The following MGAM2 variants were observed in gnomAD, a reference collection of about 807,000 sequenced individuals.
MGAM2 encodes the protein probable maltase-glucoamylase 2.
A neutral mutation model predicts 96.1 loss-of-function variants in MGAM2; 98 were observed. The observed-to-expected ratio is 1.02, with a 90% CI of 0.87 to 1.21. MGAM2 has a LOEUF of 1.21. Among genes scored for constraint, MGAM2 ranks in the 50% most tolerant of loss-of-function variants. The pLI, the probability that MGAM2 is intolerant of heterozygous loss-of-function variation, is 0.00. For synonymous variants in MGAM2, 749 were observed against 414.8 expected, an observed-to-expected ratio of 1.81 and a Z score of -9.79; for missense variants, 2,055 against 1,182.4, an observed-to-expected ratio of 1.74 and a Z score of -10.82.
intron 37 of MGAM2, among the ~76,000 whole-genome samples, chr7:142,192,558 G>A (rs993516024): frequency 2.0e-5 from 3 of 152,184 alleles, no homozygotes; most frequent in Non-Finnish European, 2.9e-5. Flanking sequence ...ATGTTTGAAT[G>A]TTGGTTAAAA....
chr7:142,176,160 C>T (rs1430836705), intron 32 of MGAM2, among the ~76,000 whole-genome samples: 1 of 150,844 alleles, frequency 6.6e-6, no homozygotes, highest in Non-Finnish European at 1.5e-5. Context: ...ATAGCTGTAT[C>T]TTAATCTCAT....
At chr7:142,211,275 G>A (rs1177365056) in intron 46 of MGAM2, among the ~76,000 whole-genome samples, 10 of 152,134 alleles carry the variant, frequency 6.6e-5, no homozygotes, top group Non-Finnish European at 1.3e-4. Context: ...AAACCAGAAT[G>A]CCCCTTCTCC....
At chr7:142,173,205 G>A (rs1171314853) in intron 30 of MGAM2, 24 bp from the exon 31 acceptor site, 1 of 702,314 alleles carries the variant, frequency 1.4e-6, no homozygotes, top group Non-Finnish European at 2.6e-6. Context: ...AATCTTTCTG[G>A]ATGCATTTTT....
intron 36 of MGAM2, among the ~76,000 whole-genome samples, chr7:142,188,429 TAGTG>T (rs1178828086): frequency 1.3e-5 from 2 of 151,652 alleles, no homozygotes; most frequent in African/African-American, 4.9e-5. Flanking sequence ...CTGGGCAACA[TAGTG>T]AGACCCATAA....
At chr7:142,161,012 T>C in intron 21 of MGAM2, 113 bp from the exon 22 acceptor site, 1 of 582,972 alleles carries the variant, frequency 1.7e-6, no homozygotes, top group Non-Finnish European at 3.1e-6. Flanking sequence ...CAACATCTAC[T>C]CAGTTTCTGG....
intron 7 of MGAM2, among the ~76,000 whole-genome samples, chr7:142,135,548 T>A (rs1239413920): frequency 6.6e-6 from 1 of 152,182 alleles, no homozygotes; most frequent in Non-Finnish European, 1.5e-5. Context: ...GGCTTATTGA[T>A]CTTCTCAATT....
intron 45 of MGAM2, among the ~76,000 whole-genome samples, chr7:142,203,441 C>T (rs979792907): frequency 2.0e-5 from 3 of 152,100 alleles, no homozygotes; most frequent in Admixed American, 1.3e-4. Flanking sequence ...TGTACAGATT[C>T]GACACTATTC....
rs1795876615 is a variant in MGAM2 at position 142,161,141 on chromosome 7, G to C, written c.2362G>C (p.Gly788Arg). 1.4e-6 allele frequency: 1 copy of C among 702,520 alleles called. No individual in the cohort carries two copies. Among genetic ancestry groups the C allele is most frequent in the Non-Finnish European group, 2.6e-6 (1 of 384,772 alleles). The allele number at this position is 702,520 out of a possible 1,614,324, so 43.5% of individuals were successfully genotyped here. The change falls in exon 22 of 48, where the codon GGA (glycine) becomes CGA (arginine). Residue 788 changes from glycine to arginine, a missense_variant. By Grantham distance (125) the Gly-to-Arg change is moderately radical. Transcript: ENST00000477922. ...CTTTTACAGCCGGAGGAATTCCCTG[G>C]GACTCATCATCGCCTTGGACTATAA... Reference protein sequence around the residue: ...TTEASRRNSLGLIIALDYKRE... With the variant: ...TTEASRRNSLRLIIALDYKRE...
chr7:142,185,330 G>A, intron 34 of MGAM2, among the ~76,000 whole-genome samples, 191 bp downstream of exon 34: 1 of 152,190 alleles, frequency 6.6e-6, no homozygotes, highest in Non-Finnish European at 1.5e-5. Context: ...ATGGAAATGT[G>A]TAGAAGGAAA....
At position 142,160,185 on chromosome 7, in the gene MGAM2, G is replaced by A. The variant is rs1229345883; in HGVS notation, c.2272G>A (p.Asp758Asn). 2 of 702,738 alleles carry A rather than the reference G, an allele frequency of 2.8e-6. No homozygotes were observed. The highest frequency in any genetic ancestry group is 2.0e-5 in the Admixed American group (1 of 49,992). 43.5% of individuals were successfully genotyped at this position (702,738 alleles called of 1,614,324 possible). A position where few individuals can be genotyped will look rare whatever the true frequency, so the allele number is the denominator to read the frequency against. ...GTTGGTGAATATGCTTCTCCCAGGT[G>A]ACAAGATAGGACTTCATCTGCGAGG... ...KQLVNMLLPG[D>N]KIGLHLRGGY... is the part of the protein sequence containing the mutation. Residue 758 changes from aspartate (D) to asparagine (N), a missense_variant, in exon 21 of 48, where the codon GAC (aspartate) becomes AAC (asparagine). Physicochemically the swap from Asp to Asn is conservative, Grantham distance 23. Coordinates refer to ENST00000477922, the MANE Select transcript of MGAM2 (RefSeq NM_001293626.2).
intron 2 of MGAM2, among the ~76,000 whole-genome samples, chr7:142,117,968 T>C (rs1817474179): frequency 6.6e-6 from 1 of 151,536 alleles, no homozygotes; most frequent in Non-Finnish European, 1.5e-5. Context: ...AAGATGTATT[T>C]CCATGGGTTG....
chr7:142,118,842 C>T (rs903243678), intron 2 of MGAM2, among the ~76,000 whole-genome samples: 26 of 152,242 alleles, frequency 1.7e-4, no homozygotes, highest in Admixed American at 4.6e-4. Flanking sequence ...TAAACATTGA[C>T]TCAAAATTGA....
chr7:142,159,889 G>A (rs938722862), intron 20 of MGAM2, among the ~76,000 whole-genome samples: 20 of 152,178 alleles, frequency 1.3e-4, no homozygotes, highest in Non-Finnish European at 2.8e-4. Context: ...TCATTTGGCT[G>A]TGGTAGCCTA....
chr7:142,144,291 G>A (rs1189074949), intron 13 of MGAM2, among the ~76,000 whole-genome samples: 1 of 152,150 alleles, frequency 6.6e-6, no homozygotes, highest in East Asian at 1.9e-4. Context: ...TTCAACAAAT[G>A]TTCTCTGAGT....
At chr7:142,138,981 G>A (rs1795138297) in intron 10 of MGAM2, among the ~76,000 whole-genome samples, 1 of 152,150 alleles carries the variant, frequency 6.6e-6, no homozygotes, top group East Asian at 1.9e-4. Context: ...ACTTTGGTGG[G>A]CTGGTAGTAA....
At chr7:142,169,884 A>G (rs1394893350) in intron 26 of MGAM2, among the ~76,000 whole-genome samples, 191 bp from the exon 27 acceptor site, 4 of 152,106 alleles carry the variant, frequency 2.6e-5, no homozygotes. Flanking sequence ...TACTGAGGCA[A>G]TTTTTGAACT....
At chr7:142,176,350 C>G (rs1205484527) in intron 32 of MGAM2, among the ~76,000 whole-genome samples, 1 of 152,202 alleles carries the variant, frequency 6.6e-6, no homozygotes, top group African/African-American at 2.4e-5. Flanking sequence ...GCAAATGATT[C>G]TCTCTTCTAG....
chr7:142,137,381 G>T (rs887770342), intron 8 of MGAM2, 52 bp from the exon 9 acceptor site: 3 of 648,090 alleles, frequency 4.6e-6, no homozygotes, highest in Admixed American at 4.7e-5. Flanking sequence ...CTGCAGAGAA[G>T]AGTTTACTTC....
chr7:142,166,614 A>G (rs1449468037), intron 25 of MGAM2, among the ~76,000 whole-genome samples: 4 of 152,222 alleles, frequency 2.6e-5, no homozygotes, highest in African/African-American at 7.2e-5. Flanking sequence ...GAAAATGGAA[A>G]CTAGGAAGCC....
Sources: allele counts gnomAD v4.1 joint callset (sites outside exome capture counted in the v4.1 genomes callset), GRCh38; gene constraint gnomAD v4.1.1; transcripts MANE v1.5; gene names NCBI Gene and HGNC (gene_info 2026-07-23, HGNC 2026-07-21).